DOCK4: variants seen among roughly 807,000 people sequenced by gnomAD.
DOCK4 encodes dedicator of cytokinesis 4.
In DOCK4, 97 loss-of-function variants were observed where a neutral mutation model predicts 268.1. That is an observed-to-expected ratio of 0.36 (90% CI 0.31 to 0.43). DOCK4 has a LOEUF of 0.43. Ranked by LOEUF, DOCK4 falls within the 20% of genes least tolerant of loss-of-function variation. The pLI is 1.00. For synonymous variants in DOCK4, 954 were observed against 887.2 expected, an observed-to-expected ratio of 1.08 and a Z score of -1.34; for missense variants, 2,145 against 2,455.7, an observed-to-expected ratio of 0.87 and a Z score of 2.67.
intron 1 of DOCK4, among the ~76,000 whole-genome samples, chr7:112,144,815 C>G (rs1285622448): frequency 1.3e-5 from 2 of 152,174 alleles, no homozygotes; most frequent in Admixed American, 1.3e-4. Flanking sequence ...TATGCACACT[C>G]TCCTTGGGAT....
intron 8 of DOCK4, among the ~76,000 whole-genome samples, chr7:111,973,143 T>A (rs1797857646): frequency 7.9e-6 from 1 of 126,084 alleles, no homozygotes; most frequent in Admixed American, 8.2e-5. Flanking sequence ...TATGGCTGAC[T>A]AGTATTCCAT....
chr7:111,769,590 G>A lies in DOCK4; in HGVS notation c.3767C>T (p.Thr1256Ile), dbSNP rs573425345. 44 of 1,613,806 alleles carry A rather than the reference G, an allele frequency of 2.7e-5. 1 individual carries two copies. The South Asian group carries it at 4.6e-4, about 17-fold the overall frequency. ...LREFLTYPMQ[T>I]EWQRKEHLHL... ...CAGGTGCTCTTTGCGCTGCCATTCT[G>A]TTTGCATGGGGTAGGTCAGGAACTC... The change falls in exon 37 of 53, where the codon ACA becomes ATA. Residue 1256 changes from threonine to isoleucine, a missense_variant. Thr to Ile is a moderately conservative substitution (Grantham distance 89, BLOSUM62 -1). Transcript: ENST00000428084.
intron 1 of DOCK4, among the ~76,000 whole-genome samples, chr7:112,125,754 T>C (rs182431953): frequency 1.3e-5 from 2 of 152,306 alleles, no homozygotes; most frequent in African/African-American, 2.4e-5. Context: ...TTAACAAGCA[T>C]GGCACTGCAC....
intron 43 of DOCK4, among the ~76,000 whole-genome samples, chr7:111,746,710 G>T (rs1796292885): frequency 1.3e-5 from 2 of 151,814 alleles, no homozygotes; most frequent in African/African-American, 2.4e-5. Context: ...AAGATTCAGT[G>T]TGACCTAGAT....
intron 16 of DOCK4, among the ~76,000 whole-genome samples, chr7:111,883,937 G>A (rs1807629549): frequency 6.6e-6 from 1 of 152,082 alleles, no homozygotes; most frequent in Non-Finnish European, 1.5e-5. Flanking sequence ...AGAACACTGG[G>A]GTGTGTGTAA....
chr7:111,846,865 A>G, intron 24 of DOCK4, 134 bp downstream of exon 24: 1 of 1,087,946 alleles, frequency 9.2e-7, no homozygotes, highest in Non-Finnish European at 1.2e-6. Context: ...GAGAAGCAAA[A>G]AGTCCAGCCC....
intron 1 of DOCK4, among the ~76,000 whole-genome samples, chr7:112,134,989 ATATG>A (rs1814187650): frequency 6.6e-6 from 1 of 152,042 alleles, no homozygotes; most frequent in Admixed American, 6.5e-5. Context: ...ATTAAAACAT[ATATG>A]TGTGTGTGTG....
At chr7:112,103,984 T>C (rs1281583002) in intron 1 of DOCK4, among the ~76,000 whole-genome samples, 7 of 152,226 alleles carry the variant, frequency 4.6e-5, no homozygotes, top group African/African-American at 7.2e-5. Context: ...TGGTCCTGCA[T>C]ATCCTTTCAG....
intron 1 of DOCK4, among the ~76,000 whole-genome samples, chr7:112,071,911 A>G (rs2135672375): frequency 6.6e-6 from 1 of 152,326 alleles, no homozygotes; most frequent in Admixed American, 6.5e-5. Context: ...AGATCAAACC[A>G]ATGAAACTCC....
chr7:112,187,768 A>G (rs988504714), intron 1 of DOCK4, among the ~76,000 whole-genome samples: 2 of 152,184 alleles, frequency 1.3e-5, no homozygotes, highest in African/African-American at 4.8e-5. Context: ...TTTGCACAGT[A>G]TGGTCAGTGA....
At chr7:112,192,810 T>C (rs537130386) in intron 1 of DOCK4, among the ~76,000 whole-genome samples, 2 of 151,958 alleles carry the variant, frequency 1.3e-5, no homozygotes, top group African/African-American at 2.4e-5. Context: ...TAAATAATCA[T>C]CCAACAGAAG....
At chr7:112,107,244 T>C (rs983709073) in intron 1 of DOCK4, among the ~76,000 whole-genome samples, 1 of 152,208 alleles carries the variant, frequency 6.6e-6, no homozygotes, top group African/African-American at 2.4e-5. Context: ...ACTTCATATA[T>C]TGAAGTCCTA....
At chr7:111,877,758 T>C (rs759239165) in intron 16 of DOCK4, among the ~76,000 whole-genome samples, 4 of 152,206 alleles carry the variant, frequency 2.6e-5, no homozygotes, top group Non-Finnish European at 5.9e-5. Flanking sequence ...GTAAAAGCAA[T>C]TACAGACTTA....
rs570155956 is a variant in DOCK4, at chr7:111,775,673, C to G, written c.3679+2603G>C. Among the ~76,000 whole-genome samples the G allele has an allele frequency of 2.0e-5, 3 of 152,274 alleles. No individual in the cohort carries two copies. The South Asian group carries it at 6.2e-4, about 32-fold the overall frequency. ...TTAGTCGGAGTACTGGGTAGAAGAT[C>G]CCCTGTGGGGTGAAGCGCTGTAGAC... is the stretch of plus-strand genomic sequence containing the variant. On this transcript the variant is annotated intron_variant, in intron 36 of 52. Transcript: ENST00000428084.
At chr7:112,061,416 G>A (rs1180150755) in intron 1 of DOCK4, among the ~76,000 whole-genome samples, 1 of 152,170 alleles carries the variant, frequency 6.6e-6, no homozygotes, top group Non-Finnish European at 1.5e-5. Flanking sequence ...CTGTCCTAGA[G>A]TGTGAGGCTT....
chr7:111,780,645 A>G (rs1441674425), intron 35 of DOCK4, among the ~76,000 whole-genome samples: 1 of 152,244 alleles, frequency 6.6e-6, no homozygotes, highest in Non-Finnish European at 1.5e-5. Context: ...CATGTCAAAT[A>G]TTACTTTTTT....
intron 1 of DOCK4, among the ~76,000 whole-genome samples, chr7:112,013,298 T>A (rs1351297265): frequency 6.6e-6 from 1 of 152,218 alleles, no homozygotes; most frequent in Non-Finnish European, 1.5e-5. Flanking sequence ...GAAGTCAAAG[T>A]CTAAATTCTT....
intron 1 of DOCK4, among the ~76,000 whole-genome samples, chr7:112,174,497 TCACATCGTAACTA>T (rs1193602596): frequency 6.6e-6 from 1 of 151,938 alleles, no homozygotes; most frequent in Non-Finnish European, 1.5e-5. Flanking sequence ...CTCTTTATCA[TCACATCGTAACTA>T]CACATGCACA....
At chr7:111,986,270 T>C (rs1314709701) in intron 6 of DOCK4, among the ~76,000 whole-genome samples, 2 of 152,170 alleles carry the variant, frequency 1.3e-5, no homozygotes, top group East Asian at 1.9e-4. Context: ...GAAGATAAGA[T>C]ACGTGAAGAC....
Sources: gnomAD v4.1 joint callset for allele counts (sites outside exome capture counted in the v4.1 genomes callset) on GRCh38, gnomAD v4.1.1 for gene constraint, MANE v1.5 for transcripts, NCBI Gene and HGNC (gene_info 2026-07-23, HGNC 2026-07-21) for gene names.